The following GLIS3 variants were observed in gnomAD, a reference collection of about 807,000 sequenced individuals.
GLIS3 encodes the protein GLIS family zinc finger 3.
Under a neutral mutation model 78.6 loss-of-function variants are expected in GLIS3, and 53 were observed. The observed-to-expected ratio is 0.67, with a 90% CI of 0.54 to 0.85. The LOEUF (loss-of-function observed/expected upper bound fraction) is 0.85, where lower values mean the gene tolerates loss of function less well. Ranked by LOEUF, GLIS3 falls within the 40% of genes least tolerant of loss-of-function variation. The probability of loss-of-function intolerance (pLI) is 0.00; values close to 1 mark genes in which losing one functional copy is unlikely to be tolerated. For missense variants in GLIS3, 1,703 were observed against 1,231.1 expected (o/e 1.38, Z -5.74); for synonymous variants, 684 against 509.9 (o/e 1.34, Z -4.60).
At chr9:3,969,829 T>C (rs1237915270) in intron 4 of GLIS3, among the ~76,000 whole-genome samples, 1 of 152,174 alleles carries the variant, frequency 6.6e-6, no homozygotes, top group Non-Finnish European at 1.5e-5. Flanking sequence ...AGCACCTCTG[T>C]CCAGAAACTG....
chr9:4,021,933 C>G (rs954768748), intron 4 of GLIS3, among the ~76,000 whole-genome samples: 1 of 152,176 alleles, frequency 6.6e-6, no homozygotes, highest in African/African-American at 2.4e-5. Context: ...AGAGTAGAAA[C>G]CAGACACACA....
chr9:4,084,682 G>C (rs1828868961), intron 4 of GLIS3, among the ~76,000 whole-genome samples: 1 of 152,148 alleles, frequency 6.6e-6, no homozygotes, highest in African/African-American at 2.4e-5. Context: ...ACACATTACA[G>C]AAAGTTATAA....
chr9:4,217,960 T>A (rs535919707), intron 2 of GLIS3, among the ~76,000 whole-genome samples: 1 of 152,240 alleles, frequency 6.6e-6, no homozygotes, highest in African/African-American at 2.4e-5. Context: ...TGCTGTGAGA[T>A]TGAAAAGCTC....
upstream of GLIS3, among the ~76,000 whole-genome samples, chr9:4,350,984 G>T (rs73388149): frequency 0.021 from 3,235 of 152,176 alleles, 136 homozygotes; most frequent in African/African-American, 0.075. Flanking sequence ...CTGTGTGTCT[G>T]TGTAGGTCAC....
At chr9:4,109,014 G>A (rs760348331) in intron 4 of GLIS3, among the ~76,000 whole-genome samples, 2 of 152,120 alleles carry the variant, frequency 1.3e-5, no homozygotes, top group African/African-American at 2.4e-5. Flanking sequence ...GAGACATGGG[G>A]TTCTATGGTG....
chr9:4,484,912 G>T, the GLIS3 span, among the ~76,000 whole-genome samples: 1 of 151,532 alleles, frequency 6.6e-6, no homozygotes, highest in Non-Finnish European at 1.5e-5. Context: ...ACCAACCATC[G>T]GTCCAGAGGA....
At chr9:3,874,300 G>C (rs976965772) in intron 8 of GLIS3, among the ~76,000 whole-genome samples, 1 of 152,248 alleles carries the variant, frequency 6.6e-6, no homozygotes, top group Admixed American at 6.5e-5. Flanking sequence ...TGGGTTCAGA[G>C]AGCTTCTGGA....
chr9:4,281,583 G>C (rs1419767076), intron 2 of GLIS3, among the ~76,000 whole-genome samples: 2 of 152,156 alleles, frequency 1.3e-5, no homozygotes, highest in Admixed American at 6.5e-5. Flanking sequence ...TTTCCTCAAA[G>C]ATCATCCATG....
At chr9:4,161,205 C>A (rs1835452671) in intron 2 of GLIS3, among the ~76,000 whole-genome samples, 1 of 151,996 alleles carries the variant, frequency 6.6e-6, no homozygotes, top group Admixed American at 6.6e-5. Context: ...CCCAGGAGAC[C>A]AAGGCTGCAG....
the GLIS3 span, among the ~76,000 whole-genome samples, chr9:4,401,223 T>A: frequency 6.6e-6 from 1 of 152,094 alleles, no homozygotes; most frequent in Non-Finnish European, 1.5e-5. Flanking sequence ...GCATTAACCA[T>A]GAACTGACAG....
At chr9:4,389,524 G>A in the GLIS3 span, among the ~76,000 whole-genome samples, 1 of 152,178 alleles carries the variant, frequency 6.6e-6, no homozygotes, top group African/African-American at 2.4e-5. Context: ...TGTAGAGTCT[G>A]CATTTCCAAA....
chr9:4,466,011 A>G, the GLIS3 span, among the ~76,000 whole-genome samples: 1 of 152,206 alleles, frequency 6.6e-6, no homozygotes, highest in East Asian at 1.9e-4. Flanking sequence ...CAACGAATCC[A>G]AGAGCTGGTT....
chr9:3,828,753 A>G (rs1275628454), intron 10 of GLIS3, among the ~76,000 whole-genome samples: 1 of 152,346 alleles, frequency 6.6e-6, no homozygotes, highest in African/African-American at 2.4e-5. Flanking sequence ...GGGAAAGAAC[A>G]TTCCAGAAGG....
chr9:4,411,816 TC>T, the GLIS3 span, among the ~76,000 whole-genome samples: 4 of 152,228 alleles, frequency 2.6e-5, no homozygotes, highest in African/African-American at 9.6e-5. Flanking sequence ...AATCCTCTTC[TC>T]CTACAAGCTT....
At chr9:4,100,392 G>C (rs1830277030) in intron 4 of GLIS3, among the ~76,000 whole-genome samples, 1 of 152,144 alleles carries the variant, frequency 6.6e-6, no homozygotes, top group African/African-American at 2.4e-5. Flanking sequence ...TTAAATGGGG[G>C]AGTACAACAA....
chr9:4,441,424 A>T, the GLIS3 span, among the ~76,000 whole-genome samples: 4 of 152,110 alleles, frequency 2.6e-5, no homozygotes, highest in Non-Finnish European at 1.5e-5. Flanking sequence ...CATTTTGTTA[A>T]TGAATCACAT....
chr9:4,136,765 G>A (rs912672359), intron 2 of GLIS3, among the ~76,000 whole-genome samples: 2 of 152,176 alleles, frequency 1.3e-5, no homozygotes, highest in African/African-American at 2.4e-5. Context: ...AGGAGAAAGG[G>A]AGAAGACAGA....
upstream of GLIS3, among the ~76,000 whole-genome samples, chr9:4,348,654 T>C (rs1286366009): frequency 2.0e-5 from 3 of 152,212 alleles, no homozygotes; most frequent in Non-Finnish European, 4.4e-5. Flanking sequence ...AGGACTCAAC[T>C]ACCTGACTTT....
chr9:4,177,291 C>T (rs1321644351), intron 2 of GLIS3, among the ~76,000 whole-genome samples: 2 of 152,154 alleles, frequency 1.3e-5, no homozygotes, highest in Non-Finnish European at 2.9e-5. Context: ...AACATATGAC[C>T]TCAAATTATC....
Sources: allele counts gnomAD v4.1 joint callset (sites outside exome capture counted in the v4.1 genomes callset), GRCh38; gene constraint gnomAD v4.1.1; transcripts MANE v1.5; gene names NCBI Gene and HGNC (gene_info 2026-07-23, HGNC 2026-07-21).